The following DOCK2 variants were observed in gnomAD, a reference collection of about 807,000 sequenced individuals.
DOCK2 encodes the protein dedicator of cytokinesis 2.
A neutral mutation model predicts 248.9 loss-of-function variants in DOCK2; 87 were observed. The ratio of observed to expected loss-of-function variants is 0.35; its 90% CI spans 0.29 to 0.42. The LOEUF is 0.42. Among genes scored for constraint, DOCK2 ranks in the 10% least tolerant of loss-of-function variants. DOCK2 has a pLI of 1.00. For synonymous variants in DOCK2, 805 were observed against 821.6 expected, an observed-to-expected ratio of 0.98 and a Z score of 0.35; for missense variants, 1,747 against 2,300.2, an observed-to-expected ratio of 0.76 and a Z score of 4.92.
At chr5:170,014,943 C>T (rs1755457983) in intron 32 of DOCK2, among the ~76,000 whole-genome samples, 1 of 152,132 alleles carries the variant, frequency 6.6e-6, no homozygotes, top group South Asian at 2.1e-4. Flanking sequence ...TTCAATGAGA[C>T]AGAGAAGAGT....
intron 44 of DOCK2, among the ~76,000 whole-genome samples, chr5:170,062,450 A>T (rs980056264): frequency 2.0e-5 from 3 of 152,058 alleles, no homozygotes; most frequent in Non-Finnish European, 4.4e-5. Context: ...TTGAACCGAT[A>T]TGAAAAGCTG....
chr5:169,669,814 C>T (rs1453870162), intron 3 of DOCK2, among the ~76,000 whole-genome samples: 5 of 152,214 alleles, frequency 3.3e-5, no homozygotes, highest in Admixed American at 2.6e-4. Context: ...CTCATTTTCT[C>T]TCACAGCACC....
chr5:169,969,545 G>C (rs1777424856), intron 27 of DOCK2, among the ~76,000 whole-genome samples: 3 of 152,346 alleles, frequency 2.0e-5, no homozygotes, highest in Non-Finnish European at 4.4e-5. Context: ...GAAGTTGAGA[G>C]CAGGTGGTAT....
intron 38 of DOCK2, among the ~76,000 whole-genome samples, chr5:170,043,716 G>A (rs1163120604): frequency 6.6e-6 from 1 of 152,214 alleles, no homozygotes; most frequent in Non-Finnish European, 1.5e-5. Context: ...TGAACCTCCT[G>A]CCCTGCTGGG....
chr5:169,961,285 G>A (rs1777075562), intron 27 of DOCK2, among the ~76,000 whole-genome samples: 2 of 152,198 alleles, frequency 1.3e-5, no homozygotes, highest in Admixed American at 6.5e-5. Flanking sequence ...ATCTGTGAAG[G>A]TTTGTGGAAT....
intron 30 of DOCK2, among the ~76,000 whole-genome samples, chr5:170,004,559 A>G (rs2113805879): frequency 6.6e-6 from 1 of 151,988 alleles, no homozygotes; most frequent in South Asian, 2.1e-4. Context: ...CAGCCATCCC[A>G]TTACTGGGTA....
rs1392489581 is a variant in DOCK2 at position 169,711,993 on chromosome 5, G to A, written c.1541G>A (p.Arg514Gln). 2 of 1,614,078 alleles carry A rather than the reference G, an allele frequency of 1.2e-6. No individual in the cohort carries two copies. Among genetic ancestry groups the A allele is most frequent in the Non-Finnish European group, 8.5e-7 (1 of 1,179,962 alleles). The change falls in exon 16 of 52, where the codon CGG becomes CAG. Residue 514 changes from arginine to glutamine, a missense_variant. By Grantham distance (43) the Arg-to-Gln change is conservative. This residue lies in a region of DOCK2 where 858 missense variants were observed against 1,183.5 expected (regional missense o/e 0.72). Transcript: ENST00000520908. ...CATCTGCGATTCATGTTTCGACATC[G>A]GTCATCTCTGGAATGTGAGTACCAT... ...RIHLRFMFRH[R>Q]SSLESKDKGE...
At chr5:169,859,601 A>G (rs553377207) in intron 27 of DOCK2, among the ~76,000 whole-genome samples, 1 of 152,254 alleles carries the variant, frequency 6.6e-6, no homozygotes, top group Admixed American at 6.5e-5. Context: ...TATATTGAGG[A>G]TTCAGCTCAG....
chr5:169,892,014 AAAAAG>A (rs1773324093), intron 27 of DOCK2, among the ~76,000 whole-genome samples: 1 of 150,860 alleles, frequency 6.6e-6, no homozygotes, highest in African/African-American at 2.4e-5. Flanking sequence ...AAAAAAAAAG[AAAAAG>A]AAAAAAGAAA....
At chr5:169,675,470 C>G (rs1265751260) in intron 6 of DOCK2, among the ~76,000 whole-genome samples, 1 of 152,128 alleles carries the variant, frequency 6.6e-6, no homozygotes, top group Non-Finnish European at 1.5e-5. Context: ...GGTCACAGTT[C>G]CAATTAGGAG....
intron 27 of DOCK2, among the ~76,000 whole-genome samples, chr5:169,886,527 C>A (rs998611100): frequency 4.6e-5 from 7 of 152,132 alleles, no homozygotes; most frequent in African/African-American, 1.7e-4. Context: ...AGCTCAGTAC[C>A]CAATTCCCTA....
chr5:170,079,438 T>C, intron 49 of DOCK2: 1 of 334,884 alleles, frequency 3.0e-6, no homozygotes, highest in Non-Finnish European at 5.8e-6. Flanking sequence ...CTGGGGAGAA[T>C]CCACCTGTTC....
rs376378404 is a variant in DOCK2, at chr5:170,001,558, C to T, written c.3072+5394C>T. 2.0e-5 allele frequency among the ~76,000 whole-genome samples: 3 copies of T among 152,280 alleles called. No individual in the cohort carries two copies. The East Asian group carries it at 5.8e-4, about 29-fold the overall frequency. On this transcript the variant is annotated intron_variant, in intron 30 of 51. Coordinates refer to ENST00000520908, the MANE Select transcript of DOCK2 (RefSeq NM_004946.3). ...GACAAGATATTGAACCTCTCTGGGCCTCAGTTTCCTGATCTCTAAAATGGG... is the reference window on the plus strand; with the variant it reads ...GACAAGATATTGAACCTCTCTGGGCTTCAGTTTCCTGATCTCTAAAATGGG...
intron 46 of DOCK2, among the ~76,000 whole-genome samples, chr5:170,074,820 C>G (rs1184449224): frequency 1.3e-5 from 2 of 152,172 alleles, no homozygotes; most frequent in African/African-American, 4.8e-5. Context: ...GCTCCTGATA[C>G]AGAACTTCAA....
At chr5:169,786,780 T>C (rs1279536189) in intron 25 of DOCK2, among the ~76,000 whole-genome samples, 2 of 152,196 alleles carry the variant, frequency 1.3e-5, no homozygotes, top group Admixed American at 1.3e-4. Context: ...GGACTCTATG[T>C]ATACATGTAC....
At chr5:170,018,799 A>T (rs1407945911) in intron 32 of DOCK2, among the ~76,000 whole-genome samples, 161 bp from the exon 33 acceptor site, 1 of 152,204 alleles carries the variant, frequency 6.6e-6, no homozygotes, top group African/African-American at 2.4e-5. Flanking sequence ...ATATATGTTA[A>T]GTGTTCAAAA....
chr5:170,028,559 C>T (rs1756007454), intron 34 of DOCK2: 1 of 154,346 alleles, frequency 6.5e-6, no homozygotes, highest in Non-Finnish European at 1.5e-5. Flanking sequence ...GACTTGGAGT[C>T]AGGACATCAT....
chr5:170,022,923 G>A (rs1755779198), intron 33 of DOCK2, among the ~76,000 whole-genome samples: 5 of 152,232 alleles, frequency 3.3e-5, no homozygotes, highest in Admixed American at 1.3e-4. Flanking sequence ...TCGGCACAGG[G>A]AGGTGCATTC....
intron 25 of DOCK2, among the ~76,000 whole-genome samples, chr5:169,789,225 T>C (rs1245275750): frequency 6.6e-6 from 1 of 152,246 alleles, no homozygotes; most frequent in Non-Finnish European, 1.5e-5. Flanking sequence ...ATGGTGTATA[T>C]GTACCACATT....
Sources: allele counts gnomAD v4.1 joint callset (sites outside exome capture counted in the v4.1 genomes callset), GRCh38; gene constraint gnomAD v4.1.1; regional missense constraint gnomAD v4.1.1; transcripts MANE v1.5; gene names NCBI Gene and HGNC (gene_info 2026-07-23, HGNC 2026-07-21).